The following PTPDC1 variants were observed in gnomAD, a reference collection of about 807,000 sequenced individuals.
PTPDC1 encodes protein tyrosine phosphatase domain-containing protein 1.
In PTPDC1, 53 loss-of-function variants were observed where a neutral mutation model predicts 75.3. That is an observed-to-expected ratio of 0.70 (90% CI 0.56 to 0.88). PTPDC1 has a LOEUF of 0.88. Ranked by LOEUF, PTPDC1 falls within the 40% of genes least tolerant of loss-of-function variation. The pLI is 0.00. For missense variants in PTPDC1, 925 were observed against 998.6 expected, an observed-to-expected ratio of 0.93 and a Z score of 0.99; for synonymous variants, 349 against 366.2, an observed-to-expected ratio of 0.95 and a Z score of 0.54.
In PTPDC1 at chr9:94,101,739, T is replaced by C; in HGVS notation, c.2187T>C (p.Phe729=). 1 of 1,609,974 alleles carries C rather than the reference T, an allele frequency of 6.2e-7. No homozygotes were observed. Among genetic ancestry groups the C allele is most frequent in the Non-Finnish European group, 8.5e-7 (1 of 1,177,442 alleles). Residue 729 remains phenylalanine, a synonymous_variant, in exon 7 of 9, where the codon TTT becomes TTC. Coordinates refer to ENST00000620992, the MANE Select transcript of PTPDC1 (RefSeq NM_001253829.2). ...DRRADAAEAL[F]LLEKGQHQTI... The stretch of plus-strand genomic sequence containing the variant: ...GAGCAGATGCCGCAGAAGCACTTTT[T>C]TTATTAGAGAAGGTAAAGTGGCTGT...
intron 1 of PTPDC1, chr9:94,038,002 T>G: frequency 2.9e-6 from 1 of 339,932 alleles, no homozygotes; most frequent in South Asian, 3.1e-5. Context: ...GGAACCTTCG[T>G]TGCGCCAGCG....
chr9:94,048,840 A>G (rs1444325430), intron 1 of PTPDC1, among the ~76,000 whole-genome samples: 2 of 152,126 alleles, frequency 1.3e-5, no homozygotes, highest in African/African-American at 4.8e-5. Context: ...GTGGGAGTCT[A>G]AGTCTCTTTG....
chr9:94,097,847 G>T lies in PTPDC1; in HGVS notation c.1281G>T (p.Trp427Cys), dbSNP rs769481063. ...ATGAGCAACAGTTTGACCCTCTTTG[G>T]AAAAGGCGGAATGTTGAGTGCCTTC... is the stretch of plus-strand genomic sequence containing the variant. ...FSNEQQFDPL[W>C]KRRNVECLQP... Residue 427 changes from tryptophan to cysteine, a missense_variant, in exon 6 of 9, where the codon TGG becomes TGT. Transcript: ENST00000620992. The T allele has an allele frequency of 3.1e-6, 5 of 1,614,050 alleles. No individual in the cohort carries two copies. Among genetic ancestry groups the T allele is most frequent in the Non-Finnish European group, 4.2e-6 (5 of 1,180,034 alleles).
At chr9:94,105,143 T>C (rs982614934) in intron 8 of PTPDC1, among the ~76,000 whole-genome samples, 3 of 152,178 alleles carry the variant, frequency 2.0e-5, no homozygotes, top group Non-Finnish European at 4.4e-5. Flanking sequence ...TTAATATTTG[T>C]CCAGTCTCCT....
chr9:94,041,084 G>T (rs2118407412), intron 1 of PTPDC1, among the ~76,000 whole-genome samples: 1 of 152,184 alleles, frequency 6.6e-6, no homozygotes, highest in Non-Finnish European at 1.5e-5. Context: ...CATTCTATAT[G>T]CCTTTTTTGC....
intron 1 of PTPDC1, chr9:94,038,011 C>A: frequency 2.8e-6 from 1 of 357,640 alleles, no homozygotes; most frequent in South Asian, 3.0e-5. Context: ...GTTGCGCCAG[C>A]GACAAAAAAG....
In PTPDC1 at chr9:94,046,408, G is replaced by A. The variant is rs185671503; in HGVS notation, c.-7+15281G>A. On this transcript the variant is annotated intron_variant, in intron 1 of 9. Transcript: ENST00000375360. ...AAGTCATCGGTAGCTTGATGGGGATGGCATTGAATCTATAAATTACCTTGG... is the reference window on the plus strand; with the variant it reads ...AAGTCATCGGTAGCTTGATGGGGATAGCATTGAATCTATAAATTACCTTGG... 8.5e-5 allele frequency among the ~76,000 whole-genome samples: 13 copies of A among 152,224 alleles called. No individual in the cohort carries two copies. The East Asian group carries it at 2.5e-3, about 29-fold the overall frequency.
intron 1 of PTPDC1, among the ~76,000 whole-genome samples, chr9:94,034,818 A>G (rs941444667): frequency 6.6e-6 from 1 of 152,138 alleles, no homozygotes; most frequent in African/African-American, 2.4e-5. Context: ...TGAATTTTTT[A>G]AATTTTATTT....
intron 1 of PTPDC1, among the ~76,000 whole-genome samples, chr9:94,051,144 GA>G (rs1431844610): frequency 3.9e-5 from 6 of 152,196 alleles, no homozygotes; most frequent in African/African-American, 1.4e-4. Flanking sequence ...GGAATTCCCT[GA>G]CCCCTTGCAC....
chr9:94,063,599 T>A (rs1238417182), intron 1 of PTPDC1, among the ~76,000 whole-genome samples: 1 of 152,216 alleles, frequency 6.6e-6, no homozygotes, highest in Non-Finnish European at 1.5e-5. Flanking sequence ...AACAGCTTTA[T>A]CAAATAGGAT....
chr9:94,052,145 CATT>C (rs1476496724), intron 1 of PTPDC1, among the ~76,000 whole-genome samples: 1 of 152,150 alleles, frequency 6.6e-6, no homozygotes, highest in Non-Finnish European at 1.5e-5. Flanking sequence ...AGTACATTCA[CATT>C]GTTGTGCAAG....
chr9:94,038,401 A>T (rs1177102501), intron 1 of PTPDC1: 2 of 398,234 alleles, frequency 5.0e-6, no homozygotes, highest in Non-Finnish European at 9.2e-6. Context: ...TATGTGTACC[A>T]TACTTTAATA....
chr9:94,059,291 A>G (rs1826057668), intron 1 of PTPDC1, among the ~76,000 whole-genome samples: 1 of 152,234 alleles, frequency 6.6e-6, no homozygotes, highest in Non-Finnish European at 1.5e-5. Context: ...GAAATTATAG[A>G]TTAACTGAAA....
intron 2 of PTPDC1, among the ~76,000 whole-genome samples, chr9:94,079,302 G>T (rs1171577885): frequency 2.0e-5 from 3 of 150,698 alleles, no homozygotes; most frequent in Non-Finnish European, 4.4e-5. Context: ...TTTTTTTTTA[G>T]CAGGGCACTC....
chr9:94,101,676 A>AC lies in PTPDC1; in HGVS notation c.2124_2125insC (p.Ile709HisfsTer11). 6.2e-7 allele frequency: 1 copy of AC among 1,613,954 alleles called. No individual in the cohort carries two copies. The highest frequency in any genetic ancestry group is 8.5e-7 in the Non-Finnish European group (1 of 1,179,852). On this transcript the variant is annotated frameshift_variant, in exon 7 of 9. Transcript: ENST00000620992. LOFTEE classifies it high-confidence loss of function. The stretch of plus-strand genomic sequence containing the variant: ...GGGTGGAGCAACTGAAGGAGCCTGT[A>AC]ATCACCAAAGAGGATGTGGACATGT...
intron 1 of PTPDC1, among the ~76,000 whole-genome samples, chr9:94,043,286 C>T (rs9299414): frequency 0.57 from 87,263 of 151,950 alleles, 25,425 homozygotes; most frequent in Admixed American, 0.69. Flanking sequence ...TGTAATGGTA[C>T]GTATTATGGT....
At position 94,097,527 on chromosome 9, in the gene PTPDC1, C is replaced by T. The variant is rs773158813; in HGVS notation, c.961C>T (p.Leu321=). Reference sequence around the variant, plus strand: ...ACATGCTGTCACCTTACCTCAATATCTAATTCGCCAGCGTCATCTGCTTCA... The same window carrying T: ...ACATGCTGTCACCTTACCTCAATATTTAATTCGCCAGCGTCATCTGCTTCA... ...KAHAVTLPQY[L]IRQRHLLHGY... is the part of the protein sequence containing the mutation. The change falls in exon 6 of 9, where the codon CTA becomes TTA. Residue 321 remains leucine, a synonymous_variant. Transcript: ENST00000620992. The T allele has an allele frequency of 1.3e-5, 21 of 1,614,176 alleles. No homozygotes were observed. Among genetic ancestry groups the T allele is most frequent in the Non-Finnish European group, 1.8e-5 (21 of 1,180,042 alleles).
chr9:94,031,717 C>T (rs903748869), intron 1 of PTPDC1, among the ~76,000 whole-genome samples: 1 of 152,014 alleles, frequency 6.6e-6, no homozygotes, highest in African/African-American at 2.4e-5. Flanking sequence ...TACGTTATAC[C>T]TATGTCATTG....
chr9:94,087,977 T>C lies in PTPDC1; in HGVS notation c.497+66T>C, dbSNP rs1187814653. 7 of 1,501,226 alleles carry C rather than the reference T, an allele frequency of 4.7e-6. No homozygotes were observed. In the East Asian group the frequency reaches 1.4e-4, roughly 29 times the overall value. 93.0% of individuals were successfully genotyped at this position (1,501,226 alleles called of 1,614,324 possible). ...GTGTTTTTTTCTTTCATTGCCTTTG[T>C]TTCAAGTGAAAGAGTGCTTTCATTT... On this transcript the variant is annotated intron_variant, in intron 3 of 8. Coordinates refer to ENST00000620992, the MANE Select transcript of PTPDC1 (RefSeq NM_001253829.2).
Sources: allele counts gnomAD v4.1 joint callset (sites outside exome capture counted in the v4.1 genomes callset), GRCh38; gene constraint gnomAD v4.1.1; transcripts MANE v1.5; gene names NCBI Gene and HGNC (gene_info 2026-07-23, HGNC 2026-07-21).